CWF19L2: variants seen among roughly 807,000 people sequenced by gnomAD.
CWF19L2 encodes the protein CWF19 like cell cycle control factor 2.
CWF19L2 carries 98 observed loss-of-function variants against 111.7 expected under a neutral mutation model. The observed-to-expected ratio is 0.88, with a 90% CI of 0.75 to 1.04. The LOEUF is 1.04. Ranked by LOEUF, CWF19L2 falls within the 50% of genes least tolerant of loss-of-function variation. The pLI is 0.00. For missense variants in CWF19L2, 1,101 were observed against 1,051.4 expected (o/e 1.05, Z -0.65); for synonymous variants, 351 against 342.9 (o/e 1.02, Z -0.26).
At chr11:107,417,130 A>C (rs2135398769) in intron 9 of CWF19L2, among the ~76,000 whole-genome samples, 1 of 152,296 alleles carries the variant, frequency 6.6e-6, no homozygotes, top group South Asian at 2.1e-4. Flanking sequence ...TATTGTACTA[A>C]TAGTTTACCA....
At chr11:107,371,012 CTTTTTTTT>C (rs577136063) in intron 12 of CWF19L2, among the ~76,000 whole-genome samples, 2 of 100,028 alleles carry the variant, frequency 2.0e-5, no homozygotes, top group Admixed American at 1.0e-4. Context: ...TCTAGTTTCT[CTTTTTTTT>C]TTTTTTTTTT....
At position 107,398,535 on chromosome 11, in the gene CWF19L2, T is replaced by A. The variant is rs1055844927; in HGVS notation, c.1618-5640A>T. Reference sequence around the variant, plus strand: ...AAAGGCTCCAAGAAGTCTGGGATTATGTTAATCAACCAAACCTAAGAATAA... The same window carrying A: ...AAAGGCTCCAAGAAGTCTGGGATTAAGTTAATCAACCAAACCTAAGAATAA... On this transcript the variant is annotated intron_variant, in intron 10 of 17. Coordinates refer to ENST00000282251, the MANE Select transcript of CWF19L2 (RefSeq NM_152434.3). 4.6e-5 allele frequency among the ~76,000 whole-genome samples: 7 copies of A among 152,216 alleles called. No individual in the cohort carries two copies. In the South Asian group the frequency reaches 1.4e-3, roughly 31 times the overall value.
intron 1 of CWF19L2, among the ~76,000 whole-genome samples, chr11:107,457,443 T>C (rs1349354519): frequency 6.6e-6 from 1 of 151,934 alleles, no homozygotes; most frequent in African/African-American, 2.4e-5. Context: ...GTGATAGAAA[T>C]GTAAAGAATG....
intron 10 of CWF19L2, among the ~76,000 whole-genome samples, chr11:107,411,442 T>C (rs1473053862): frequency 2.0e-5 from 3 of 152,182 alleles, no homozygotes; most frequent in African/African-American, 7.2e-5. Flanking sequence ...AATGACTTGT[T>C]CATTATAACT....
At chr11:107,420,266 C>T (rs1016556550) in intron 8 of CWF19L2, among the ~76,000 whole-genome samples, 1 of 151,954 alleles carries the variant, frequency 6.6e-6, no homozygotes, top group African/African-American at 2.4e-5. Flanking sequence ...AATTCAACTA[C>T]AAGAAATGTT....
intron 1 of CWF19L2, 103 bp from the exon 2 acceptor site, chr11:107,455,879 A>C (rs1861847391): frequency 1.6e-6 from 1 of 634,336 alleles, no homozygotes; most frequent in African/African-American, 1.9e-5. Flanking sequence ...AAAAATATCC[A>C]CTCATGAATG....
chr11:107,363,681 A>G (rs1213854270), intron 12 of CWF19L2, among the ~76,000 whole-genome samples: 1 of 109,890 alleles, frequency 9.1e-6, no homozygotes, highest in Non-Finnish European at 1.8e-5. Context: ...AGTGCTAAAC[A>G]TGGAAAGGAA....
chr11:107,329,634 T>C (rs986074781), intron 17 of CWF19L2, among the ~76,000 whole-genome samples: 5 of 152,144 alleles, frequency 3.3e-5, no homozygotes, highest in Non-Finnish European at 5.9e-5. Flanking sequence ...GTTTTAACAA[T>C]TATCATCATT....
chr11:107,335,142 A>C (rs1859904075), intron 15 of CWF19L2, among the ~76,000 whole-genome samples, 181 bp from the exon 16 acceptor site: 1 of 152,194 alleles, frequency 6.6e-6, no homozygotes. Context: ...TTGAAATCTT[A>C]CCATTAGCCA....
intron 3 of CWF19L2, among the ~76,000 whole-genome samples, chr11:107,444,219 G>A (rs1382260365): frequency 6.6e-6 from 1 of 151,476 alleles, no homozygotes; most frequent in African/African-American, 2.4e-5. Context: ...TAGTCTACAT[G>A]CACCGCCTTC....
intron 13 of CWF19L2, among the ~76,000 whole-genome samples, chr11:107,350,848 A>G (rs139540190): frequency 1.3e-5 from 2 of 152,238 alleles, no homozygotes; most frequent in African/African-American, 4.8e-5. Flanking sequence ...GAAGGAAGGA[A>G]GGGTAGACAC....
chr11:107,405,541 G>T (rs755528790), intron 10 of CWF19L2, among the ~76,000 whole-genome samples: 41 of 146,434 alleles, frequency 2.8e-4, no homozygotes, highest in Non-Finnish European at 1.8e-4. Context: ...TTCCATTTCA[G>T]GCCATGATGA....
chr11:107,449,005 T>TG (rs1193109657), intron 3 of CWF19L2, among the ~76,000 whole-genome samples: 3 of 148,440 alleles, frequency 2.0e-5, no homozygotes, highest in Non-Finnish European at 3.0e-5. Context: ...AAAATAATGA[T>TG]GAAAAAAAAA....
chr11:107,402,874 TA>T (rs1861025178), intron 10 of CWF19L2, among the ~76,000 whole-genome samples: 3 of 21,584 alleles, frequency 1.4e-4, no homozygotes, highest in Non-Finnish European at 9.7e-5. Flanking sequence ...CTGTGGTGTG[TA>T]TATATATATA....
intron 4 of CWF19L2, 34 bp from the exon 5 acceptor site, chr11:107,441,656 T>C: frequency 1.3e-6 from 2 of 1,491,720 alleles, no homozygotes; most frequent in Non-Finnish European, 1.8e-6. Flanking sequence ...TCAACAGTCA[T>C]CCACTCATCA....
chr11:107,376,899 TA>T (rs1860608158), intron 12 of CWF19L2, among the ~76,000 whole-genome samples: 2 of 44,862 alleles, frequency 4.5e-5, no homozygotes, highest in African/African-American at 2.0e-4. Flanking sequence ...CTTAAGCTCA[TA>T]AGCAACTTCA....
chr11:107,442,882 G>GAGGGAAGAAGGA (rs1555029242), intron 4 of CWF19L2, 57 bp downstream of exon 4: 12 of 707,212 alleles, frequency 1.7e-5, no homozygotes, highest in East Asian at 2.9e-5. Flanking sequence ...GGGAGGGAGG[G>GAGGGAAGAAGGA]AGGAAGGAAG....
chr11:107,444,071 G>A (rs564239010), intron 3 of CWF19L2, among the ~76,000 whole-genome samples: 1 of 149,662 alleles, frequency 6.7e-6, no homozygotes, highest in East Asian at 2.0e-4. Flanking sequence ...TAATGGCCTA[G>A]AAACAATTTC....
intron 15 of CWF19L2, among the ~76,000 whole-genome samples, chr11:107,336,290 G>A (rs950855682): frequency 6.6e-6 from 1 of 152,038 alleles, no homozygotes; most frequent in South Asian, 2.1e-4. Flanking sequence ...GGGACTACAG[G>A]TGCCCACCAC....
Sources: allele counts gnomAD v4.1 joint callset (sites outside exome capture counted in the v4.1 genomes callset), GRCh38; gene constraint gnomAD v4.1.1; transcripts MANE v1.5; gene names NCBI Gene and HGNC (gene_info 2026-07-23, HGNC 2026-07-21).